Variants in RABGAP1L observed in about 807,000 individuals in gnomAD.
RABGAP1L encodes the protein RAB GTPase activating protein 1 like.
A neutral mutation model predicts 137.7 loss-of-function variants in RABGAP1L; 63 were observed. The observed-to-expected ratio is 0.46, with a 90% CI of 0.37 to 0.56. The LOEUF is 0.56. Ranked by LOEUF, RABGAP1L falls within the 20% of genes least tolerant of loss-of-function variation. The pLI, the probability that RABGAP1L is intolerant of heterozygous loss-of-function variation, is 0.00. For synonymous variants in RABGAP1L, 431 were observed against 433.7 expected, an observed-to-expected ratio of 0.99 and a Z score of 0.08; for missense variants, 1,095 against 1,244.0, an observed-to-expected ratio of 0.88 and a Z score of 1.80.
intron 2 of RABGAP1L, 189 bp from the exon 3 acceptor site, chr1:174,220,783 C>T: frequency 2.4e-6 from 1 of 412,960 alleles, no homozygotes; most frequent in Non-Finnish European, 4.1e-6. Context: ...AACTAATAAT[C>T]TTCCTCTAAT....
intron 18 of RABGAP1L, among the ~76,000 whole-genome samples, chr1:174,765,509 A>G (rs958805083): frequency 6.6e-6 from 1 of 151,956 alleles, no homozygotes; most frequent in Admixed American, 6.6e-5. Flanking sequence ...ATCATGGCTC[A>G]CTGCAGTTTC....
At chr1:174,899,420 A>C (rs1350305245) in intron 19 of RABGAP1L, among the ~76,000 whole-genome samples, 3 of 152,232 alleles carry the variant, frequency 2.0e-5, no homozygotes, top group African/African-American at 7.2e-5. Context: ...GATTTTAAGC[A>C]GGGCAGTCAT....
intron 20 of RABGAP1L, among the ~76,000 whole-genome samples, chr1:174,963,706 T>C (rs974190446): frequency 1.3e-5 from 2 of 151,986 alleles, no homozygotes; most frequent in Admixed American, 6.6e-5. Flanking sequence ...CTGCCAGTTT[T>C]TGTAAACCAA....
chr1:174,492,901 C>CT (rs1558280867), intron 13 of RABGAP1L, among the ~76,000 whole-genome samples: 1 of 151,902 alleles, frequency 6.6e-6, no homozygotes. Context: ...GGTATACTCA[C>CT]TTTTTGTTTC....
intron 8 of RABGAP1L, among the ~76,000 whole-genome samples, chr1:174,274,536 A>G (rs893260572): frequency 6.6e-6 from 1 of 151,934 alleles, no homozygotes; most frequent in African/African-American, 2.4e-5. Flanking sequence ...GGTGTATTCT[A>G]TTTGCATAAA....
chr1:174,239,167 T>A (rs1317848139), intron 4 of RABGAP1L, among the ~76,000 whole-genome samples: 1 of 152,182 alleles, frequency 6.6e-6, no homozygotes, highest in Non-Finnish European at 1.5e-5. Context: ...GCCCACTGTC[T>A]GGCACTCCCT....
chr1:174,306,466 G>T (rs192587998), intron 11 of RABGAP1L, among the ~76,000 whole-genome samples: 2 of 152,282 alleles, frequency 1.3e-5, no homozygotes, highest in African/African-American at 4.8e-5. Context: ...TCTAACTGGT[G>T]TGAGATGGTA....
At chr1:174,517,008 A>G (rs1419109689) in intron 13 of RABGAP1L, among the ~76,000 whole-genome samples, 1 of 151,778 alleles carries the variant, frequency 6.6e-6, no homozygotes, top group Admixed American at 6.6e-5. Context: ...TGTTGTTAAT[A>G]TAGTCCTGTA....
At chr1:174,633,881 A>G (rs1456184356) in intron 13 of RABGAP1L, among the ~76,000 whole-genome samples, 8 of 101,904 alleles carry the variant, frequency 7.9e-5, no homozygotes, top group East Asian at 4.6e-4. Context: ...ACAAAAATCA[A>G]TTCAAGATGG....
intron 13 of RABGAP1L, among the ~76,000 whole-genome samples, chr1:174,565,736 A>G (rs1572345300): frequency 6.6e-6 from 1 of 152,236 alleles, no homozygotes; most frequent in African/African-American, 2.4e-5. Flanking sequence ...GCAAAATGCA[A>G]TAAATGTTTT....
At chr1:174,197,325 G>A (rs1667761997) in intron 1 of RABGAP1L, among the ~76,000 whole-genome samples, 1 of 152,102 alleles carries the variant, frequency 6.6e-6, no homozygotes, top group Non-Finnish European at 1.5e-5. Context: ...AGGTTTTAAT[G>A]GCCTCTTGTC....
intron 1 of RABGAP1L, among the ~76,000 whole-genome samples, chr1:174,168,877 G>A (rs937186065): frequency 6.6e-6 from 1 of 152,058 alleles, no homozygotes; most frequent in African/African-American, 2.4e-5. Context: ...ATATTTATGG[G>A]GTACAAGTGC....
chr1:174,216,105 G>A (rs1472746323), intron 1 of RABGAP1L, among the ~76,000 whole-genome samples: 2 of 152,162 alleles, frequency 1.3e-5, no homozygotes, highest in Non-Finnish European at 2.9e-5. Flanking sequence ...TTGAACTCAT[G>A]TAGATAGAGA....
At chr1:174,580,831 T>G (rs1341191006) in intron 13 of RABGAP1L, among the ~76,000 whole-genome samples, 1 of 152,090 alleles carries the variant, frequency 6.6e-6, no homozygotes, top group African/African-American at 2.4e-5. Context: ...TATAACTCAA[T>G]AAAAATGTAA....
At chr1:174,284,937 A>G (rs984450463) in intron 10 of RABGAP1L, among the ~76,000 whole-genome samples, 1 of 151,600 alleles carries the variant, frequency 6.6e-6, no homozygotes, top group Admixed American at 6.6e-5. Context: ...TTTCAACAAT[A>G]TTTTTCCAAT....
chr1:174,396,457 T>C (rs962836626), intron 13 of RABGAP1L, among the ~76,000 whole-genome samples: 4 of 152,006 alleles, frequency 2.6e-5, no homozygotes, highest in Non-Finnish European at 4.4e-5. Context: ...TATAATATAT[T>C]AGTATAATAG....
At chr1:174,393,326 T>G (rs1647385748) in intron 12 of RABGAP1L, among the ~76,000 whole-genome samples, 1 of 152,164 alleles carries the variant, frequency 6.6e-6, no homozygotes, top group Non-Finnish European at 1.5e-5. Context: ...AAACCTATCT[T>G]AGGTTGTTTT....
At chr1:174,900,309 A>G (rs1283606779) in intron 19 of RABGAP1L, among the ~76,000 whole-genome samples, 2 of 152,152 alleles carry the variant, frequency 1.3e-5, no homozygotes, top group African/African-American at 4.8e-5. Context: ...CGCTTACAGA[A>G]TTTTCTGGAG....
chr1:174,622,004 C>G (rs1480343558), intron 13 of RABGAP1L, among the ~76,000 whole-genome samples: 2 of 142,488 alleles, frequency 1.4e-5, no homozygotes, highest in Admixed American at 6.6e-5. Flanking sequence ...AACAAATCTA[C>G]AAACAAAAAG....
Sources: allele counts gnomAD v4.1 joint callset (sites outside exome capture counted in the v4.1 genomes callset), GRCh38; gene constraint gnomAD v4.1.1; transcripts MANE v1.5; gene names NCBI Gene and HGNC (gene_info 2026-07-23, HGNC 2026-07-21).